ZNF804B: variants seen among roughly 807,000 people sequenced by gnomAD.
ZNF804B encodes the protein zinc finger protein 804B.
ZNF804B carries 80 observed loss-of-function variants against 101.4 expected under a neutral mutation model. The observed-to-expected ratio is 0.79, with a 90% CI of 0.66 to 0.95. ZNF804B has a LOEUF of 0.95. ZNF804B is among the 40% of genes least tolerant of loss of function. The probability of loss-of-function intolerance (pLI) is 0.00; values close to 1 mark genes in which losing one functional copy is unlikely to be tolerated. For missense variants in ZNF804B, 1,673 were observed against 1,561.9 expected (o/e 1.07, Z -1.20); for synonymous variants, 622 against 558.8 (o/e 1.11, Z -1.59).
intron 1 of ZNF804B, among the ~76,000 whole-genome samples, chr7:89,131,594 G>A (rs963441810): frequency 6.6e-6 from 1 of 151,966 alleles, no homozygotes; most frequent in African/African-American, 2.4e-5. Context: ...CTCATTTGAC[G>A]AAGGGGAAAA....
rs540061012 is a variant in ZNF804B at position 88,939,322 on chromosome 7, A to G, written c.108+179238A>G. Among the ~76,000 whole-genome samples the G allele has an allele frequency of 3.3e-5, 5 of 152,074 alleles. No homozygotes were observed. In the East Asian group the frequency reaches 5.8e-4, roughly 18 times the overall value. On this transcript the variant is annotated intron_variant, in intron 1 of 3. Transcript: ENST00000333190. Reference sequence around the variant, plus strand: ...ATTATATAAATAGTTATTGTGCTCTATGGCTTTTTACACTGTATTTTTGTT... The same window carrying G: ...ATTATATAAATAGTTATTGTGCTCTGTGGCTTTTTACACTGTATTTTTGTT...
intron 1 of ZNF804B, among the ~76,000 whole-genome samples, chr7:88,962,275 C>G (rs1434819467): frequency 6.6e-6 from 1 of 151,238 alleles, no homozygotes; most frequent in Non-Finnish European, 1.5e-5. Context: ...GCATCATTTG[C>G]TCTTCTCTCC....
chr7:89,021,170 G>T (rs746366114), intron 1 of ZNF804B, among the ~76,000 whole-genome samples: 1 of 152,102 alleles, frequency 6.6e-6, no homozygotes, highest in Admixed American at 6.6e-5. Flanking sequence ...AGGTGCACGG[G>T]CTTTGATTCT....
rs2116002399 is a variant in ZNF804B, at chr7:89,334,463, T to C, written c.1481T>C (p.Leu494Pro). 1 of 1,613,768 alleles carries C rather than the reference T, an allele frequency of 6.2e-7. No homozygotes were observed. Among genetic ancestry groups the C allele is most frequent in the Non-Finnish European group, 8.5e-7 (1 of 1,179,844 alleles). The change falls in exon 4 of 4, where the codon CTA becomes CCA. Residue 494 changes from leucine (L) to proline (P), a missense_variant. Physicochemically the swap from Leu to Pro is moderately conservative, Grantham distance 98. Transcript: ENST00000333190. ...LSRNTKEDHN[L>P]EDLKTELGKK... ...CGGAACACAAAGGAAGACCACAATC[T>C]AGAGGACTTAAAAACAGAATTGGGT... is the stretch of plus-strand genomic sequence containing the variant.
intron 1 of ZNF804B, among the ~76,000 whole-genome samples, chr7:89,139,725 G>C (rs2116391172): frequency 6.6e-6 from 1 of 152,196 alleles, no homozygotes; most frequent in Non-Finnish European, 1.5e-5. Context: ...TCCGCTTGTA[G>C]TTCTAATTCT....
chr7:89,329,232 T>G (rs1056146971), intron 3 of ZNF804B, among the ~76,000 whole-genome samples: 1 of 151,770 alleles, frequency 6.6e-6, no homozygotes, highest in South Asian at 2.1e-4. Flanking sequence ...GTGTTCAGCT[T>G]TCTAGATATA....
rs558184001 is a variant in ZNF804B, at chr7:89,021,805, G to A, written c.109-196350G>A. On this transcript the variant is annotated intron_variant, in intron 1 of 3. Transcript: ENST00000333190. ...GAGGTAAAGTGGCTACTGGCTCCCA[G>A]AGCATAGTGCTCTCTAGAAGTAGGT... is the stretch of plus-strand genomic sequence containing the variant. Among the ~76,000 whole-genome samples the A allele has an allele frequency of 2.1e-4, 32 of 152,332 alleles. No individual in the cohort carries two copies. In the East Asian group the frequency reaches 6.0e-3, roughly 28 times the overall value.
At chr7:88,901,880 A>G (rs1373493781) in intron 1 of ZNF804B, among the ~76,000 whole-genome samples, 2 of 151,892 alleles carry the variant, frequency 1.3e-5, no homozygotes, top group Non-Finnish European at 1.5e-5. Flanking sequence ...ATGTATCCCA[A>G]TTAATGCTGG....
At chr7:89,251,127 A>G (rs13246310) in intron 2 of ZNF804B, among the ~76,000 whole-genome samples, 25,674 of 152,138 alleles carry the variant, frequency 0.17, 2,775 homozygotes, top group African/African-American at 0.3. Flanking sequence ...AAAGGCATCC[A>G]AAGAAGTAAA....
intron 1 of ZNF804B, among the ~76,000 whole-genome samples, chr7:89,210,192 C>A (rs892182239): frequency 6.7e-6 from 1 of 149,834 alleles, no homozygotes; most frequent in African/African-American, 2.5e-5. Flanking sequence ...GAGAAATCAA[C>A]ATTAGTAATA....
chr7:88,969,435 T>A (rs774716346), intron 1 of ZNF804B, among the ~76,000 whole-genome samples: 52 of 151,700 alleles, frequency 3.4e-4, no homozygotes, highest in Non-Finnish European at 6.3e-4. Flanking sequence ...CTTAATAGTT[T>A]AGCAAACCAT....
At chr7:89,101,464 C>T (rs1790054536) in intron 1 of ZNF804B, among the ~76,000 whole-genome samples, 1 of 151,816 alleles carries the variant, frequency 6.6e-6, no homozygotes, top group African/African-American at 2.4e-5. Flanking sequence ...AAAATTGGAT[C>T]TACTTATGGT....
intron 1 of ZNF804B, among the ~76,000 whole-genome samples, chr7:88,874,231 A>G (rs1791886547): frequency 6.6e-6 from 1 of 152,078 alleles, no homozygotes; most frequent in Non-Finnish European, 1.5e-5. Flanking sequence ...TCTTTGAAGC[A>G]ATTGTGAATG....
rs184558452 is a variant in ZNF804B, at chr7:89,333,829, A to G, written c.847A>G (p.Ile283Val). The G allele has an allele frequency of 1.9e-6, 3 of 1,613,456 alleles. 1 individual carries two copies. The highest frequency in any genetic ancestry group is 1.3e-5 in the African/African-American group (1 of 74,996). Residue 283 changes from isoleucine (I) to valine (V), a missense_variant, in exon 4 of 4, where the codon ATC (isoleucine) becomes GTC (valine). By Grantham distance (29) the Ile-to-Val change is conservative. Transcript: ENST00000333190. ...THLTKEKEVNISPSHLESVLH... is the reference protein window; with the variant it reads ...THLTKEKEVNVSPSHLESVLH... ...CCTTACCAAGGAAAAAGAGGTAAAT[A>G]TCTCACCAAGCCATCTGGAAAGTGT... is the stretch of plus-strand genomic sequence containing the variant.
At chr7:89,232,731 G>A (rs1789211840) in intron 2 of ZNF804B, among the ~76,000 whole-genome samples, 1 of 151,884 alleles carries the variant, frequency 6.6e-6, no homozygotes, top group African/African-American at 2.4e-5. Flanking sequence ...TACATTATTT[G>A]CTTTGGTGAC....
chr7:89,098,605 G>A (rs188393406), intron 1 of ZNF804B, among the ~76,000 whole-genome samples: 71 of 152,146 alleles, frequency 4.7e-4, no homozygotes, highest in Admixed American at 4.7e-3. Flanking sequence ...AAACTGAGAT[G>A]AGGAGTAGCT....
intron 1 of ZNF804B, among the ~76,000 whole-genome samples, chr7:89,194,459 G>A (rs1788513091): frequency 1.3e-5 from 2 of 151,054 alleles, no homozygotes; most frequent in South Asian, 4.2e-4. Context: ...TAACATTTAA[G>A]TCTTTAATCC....
intron 1 of ZNF804B, among the ~76,000 whole-genome samples, chr7:89,138,067 T>C (rs143599233): frequency 3.2e-4 from 48 of 152,246 alleles, no homozygotes; most frequent in African/African-American, 1.1e-3. Context: ...AGTAAAAAAT[T>C]GAGGTTTGGG....
chr7:89,245,032 A>G (rs1463565566), intron 2 of ZNF804B, among the ~76,000 whole-genome samples: 2 of 152,312 alleles, frequency 1.3e-5, no homozygotes, highest in African/African-American at 4.8e-5. Context: ...TAAGAAAAAT[A>G]AAAATCTCAT....
Sources: allele counts gnomAD v4.1 joint callset (sites outside exome capture counted in the v4.1 genomes callset), GRCh38; gene constraint gnomAD v4.1.1; transcripts MANE v1.5; gene names NCBI Gene and HGNC (gene_info 2026-07-23, HGNC 2026-07-21).